Variants in NEGR1 observed in about 807,000 individuals in gnomAD.
NEGR1 encodes IgLON family member 4.
In NEGR1, 10 loss-of-function variants were observed where a neutral mutation model predicts 40.9. That is an observed-to-expected ratio of 0.24 (90% CI 0.15 to 0.42). NEGR1 has a LOEUF of 0.42. Ranked by LOEUF, NEGR1 falls within the 10% of genes least tolerant of loss-of-function variation. The probability of loss-of-function intolerance (pLI) is 1.00; values close to 1 mark genes in which losing one functional copy is unlikely to be tolerated. For missense variants in NEGR1, 352 were observed against 438.9 expected (o/e 0.80, Z 1.77); for synonymous variants, 185 against 166.8 (o/e 1.11, Z -0.84).
intron 4 of NEGR1, among the ~76,000 whole-genome samples, chr1:71,643,224 A>T (rs1358011058): frequency 1.3e-5 from 2 of 151,968 alleles, no homozygotes; most frequent in African/African-American, 2.4e-5. Flanking sequence ...TCTTGCCATG[A>T]TGTTAGGCTT....
chr1:72,151,275 ATACT>A (rs1388150890), intron 1 of NEGR1, among the ~76,000 whole-genome samples: 3 of 151,072 alleles, frequency 2.0e-5, no homozygotes, highest in Non-Finnish European at 4.4e-5. Context: ...AGTTTAATAA[ATACT>A]TAAATTATTA....
intron 3 of NEGR1, among the ~76,000 whole-genome samples, chr1:71,742,630 G>C (rs1345177412): frequency 6.6e-6 from 1 of 152,048 alleles, no homozygotes. Context: ...ATTGTATTTT[G>C]GAAGCACATA....
intron 2 of NEGR1, among the ~76,000 whole-genome samples, chr1:71,798,742 C>T (rs557132957): frequency 6.6e-6 from 1 of 152,142 alleles, no homozygotes; most frequent in East Asian, 1.9e-4. Context: ...AACAGTAGAG[C>T]TTTATAAGAC....
intron 6 of NEGR1, among the ~76,000 whole-genome samples, chr1:71,474,852 C>T (rs748079745): frequency 9.2e-5 from 14 of 151,566 alleles, no homozygotes; most frequent in Non-Finnish European, 1.3e-4. Flanking sequence ...GTTAACATTG[C>T]ATGCTCAAAC....
At chr1:71,595,415 T>TA (rs1649663035) in intron 5 of NEGR1, among the ~76,000 whole-genome samples, 1 of 152,208 alleles carries the variant, frequency 6.6e-6, no homozygotes, top group Non-Finnish European at 1.5e-5. Context: ...AAACATCACG[T>TA]AAGAACCTAT....
At chr1:71,445,133 C>T (rs1646572292) in intron 6 of NEGR1, among the ~76,000 whole-genome samples, 2 of 152,116 alleles carry the variant, frequency 1.3e-5, no homozygotes, top group Non-Finnish European at 2.9e-5. Context: ...AGCAGTAACA[C>T]TAATACACTT....
intron 3 of NEGR1, among the ~76,000 whole-genome samples, chr1:71,716,671 A>G (rs1654289089): frequency 1.3e-5 from 2 of 152,196 alleles, no homozygotes; most frequent in Admixed American, 1.3e-4. Context: ...TTGGAGAAAC[A>G]ACACATATGT....
intron 2 of NEGR1, among the ~76,000 whole-genome samples, chr1:71,869,891 T>C (rs1660226633): frequency 6.6e-6 from 1 of 150,844 alleles, no homozygotes; most frequent in African/African-American, 2.4e-5. Context: ...TTCTTTTTTT[T>C]TTTTTTTTGA....
chr1:71,637,219 C>A (rs1651184444), intron 4 of NEGR1, among the ~76,000 whole-genome samples: 1 of 151,968 alleles, frequency 6.6e-6, no homozygotes, highest in Non-Finnish European at 1.5e-5. Context: ...AGCATGCCAG[C>A]ATATTATTAC....
intron 2 of NEGR1, among the ~76,000 whole-genome samples, chr1:71,908,672 TCTTGTC>T (rs1661344189): frequency 6.6e-6 from 1 of 152,188 alleles, no homozygotes; most frequent in Non-Finnish European, 1.5e-5. Context: ...TTCTGGTGGA[TCTTGTC>T]CTTACCTGTA....
chr1:72,168,351 G>A (rs1332149134), intron 1 of NEGR1, among the ~76,000 whole-genome samples: 1 of 151,938 alleles, frequency 6.6e-6, no homozygotes, highest in Non-Finnish European at 1.5e-5. Context: ...AGGAGAGCCA[G>A]TCCTTTTTTT....
Position 71,935,093 on chromosome 1 carries a change from T to A in NEGR1, c.395A>T (p.His132Leu). ...AAAATACATACCTTGCACAGTTAGA[T>A]GCACCTGCATTGTTCTGGGTGTATG... ...TQHTPRTMQV[H>L]LTVQVPPKIY... The change falls in exon 2 of 7, where the codon CAT becomes CTT. Residue 132 changes from histidine to leucine, a missense_variant. Coordinates refer to ENST00000357731, the MANE Select transcript of NEGR1 (RefSeq NM_173808.3). The A allele has an allele frequency of 6.2e-7, 1 of 1,603,996 alleles. No individual in the cohort carries two copies. The highest frequency in any genetic ancestry group is 8.5e-7 in the Non-Finnish European group (1 of 1,170,804).
In NEGR1 at chr1:71,953,773, G is replaced by T. The variant is rs957571758; in HGVS notation, c.177-18462C>A. On this transcript the variant is annotated intron_variant, in intron 1 of 6. Coordinates refer to ENST00000357731, the MANE Select transcript of NEGR1 (RefSeq NM_173808.3). Reference sequence around the variant, plus strand: ...AAACAGAACAAAGGACTTGTTGAAGGCTCAAATGATAATTAGCATTTTTAA... The same window carrying T: ...AAACAGAACAAAGGACTTGTTGAAGTCTCAAATGATAATTAGCATTTTTAA... Among the ~76,000 whole-genome samples, 9 of 152,032 alleles carry T rather than the reference G, an allele frequency of 5.9e-5. No individual in the cohort carries two copies. In the South Asian group the frequency reaches 1.2e-3, roughly 21 times the overall value.
At chr1:71,878,878 G>A (rs990682353) in intron 2 of NEGR1, among the ~76,000 whole-genome samples, 2 of 152,178 alleles carry the variant, frequency 1.3e-5, no homozygotes, top group Non-Finnish European at 2.9e-5. Flanking sequence ...ACTGTTCCCA[G>A]ATTGCAGTGT....
At chr1:71,899,212 G>T (rs78256097) in intron 2 of NEGR1, among the ~76,000 whole-genome samples, 5 of 151,384 alleles carry the variant, frequency 3.3e-5, no homozygotes, top group Non-Finnish European at 7.4e-5. Context: ...TGGTTTCTGA[G>T]CTCCCTACAC....
chr1:72,165,221 T>G (rs1651724469), intron 1 of NEGR1, among the ~76,000 whole-genome samples: 1 of 152,012 alleles, frequency 6.6e-6, no homozygotes, highest in Non-Finnish European at 1.5e-5. Context: ...CATTAGAAAT[T>G]TTAATTACAG....
rs115713777 is a variant in NEGR1 at position 71,808,752 on chromosome 1, T to C, written c.410-32455A>G. ...CTTATTTCAGAAAAAAAAAGAACAA[T>C]AGAAAATGAGACATTTTTTTTCACA... On this transcript the variant is annotated intron_variant, in intron 2 of 6. Transcript: ENST00000357731. 6.4e-3 allele frequency among the ~76,000 whole-genome samples: 970 copies of C among 152,084 alleles called. 5 individuals are homozygous for C. Among genetic ancestry groups the C allele is most frequent in the South Asian group, 0.012 (56 of 4,822 alleles).
At chr1:72,113,250 G>T (rs1649447494) in intron 1 of NEGR1, among the ~76,000 whole-genome samples, 1 of 151,680 alleles carries the variant, frequency 6.6e-6, no homozygotes, top group Admixed American at 6.6e-5. Flanking sequence ...CTGTGAATCA[G>T]CTTTGGAGTT....
intron 3 of NEGR1, among the ~76,000 whole-genome samples, chr1:71,735,919 T>C (rs1655028196): frequency 1.3e-5 from 2 of 152,090 alleles, no homozygotes; most frequent in Admixed American, 6.6e-5. Flanking sequence ...GAAAGTCATC[T>C]ACTTTGTAAT....
Sources: allele counts gnomAD v4.1 joint callset (sites outside exome capture counted in the v4.1 genomes callset), GRCh38; gene constraint gnomAD v4.1.1; transcripts MANE v1.5; gene names NCBI Gene and HGNC (gene_info 2026-07-23, HGNC 2026-07-21).